Variants in PLEK2 observed in about 807,000 individuals in gnomAD.
PLEK2 encodes pleckstrin-2.
PLEK2 carries 29 observed loss-of-function variants against 43.8 expected under a neutral mutation model. The observed-to-expected ratio is 0.66, with a 90% confidence interval of 0.49 to 0.90. The LOEUF (loss-of-function observed/expected upper bound fraction) is 0.90, where lower values mean the gene tolerates loss of function less well. Ranked by LOEUF, PLEK2 falls within the 40% of genes least tolerant of loss-of-function variation. PLEK2 has a pLI of 0.00. For missense variants in PLEK2, 398 were observed against 448.1 expected, an observed-to-expected ratio of 0.89 and a Z score of 1.01; for synonymous variants, 162 against 173.2, an observed-to-expected ratio of 0.94 and a Z score of 0.51.
chr14:67,410,245 C>G (rs1472995745), intron 1 of PLEK2, among the ~76,000 whole-genome samples: 1 of 151,966 alleles, frequency 6.6e-6, no homozygotes, highest in Non-Finnish European at 1.5e-5. Context: ...GGAAGGTAAC[C>G]CCCAGGAACA....
chr14:67,388,358 T>C, intron 7 of PLEK2, 56 bp from the exon 8 acceptor site: 6 of 1,026,820 alleles, frequency 5.8e-6, no homozygotes, highest in Non-Finnish European at 9.3e-6. Flanking sequence ...AGGGAAGAGT[T>C]GCACTCCCCT....
intron 7 of PLEK2, among the ~76,000 whole-genome samples, chr14:67,388,896 C>T (rs1047037008): frequency 6.6e-6 from 1 of 152,082 alleles, no homozygotes; most frequent in Non-Finnish European, 1.5e-5. Context: ...CCAGGCTGGT[C>T]TCAAACTCCT....
At chr14:67,387,911 T>G (rs1045852387) in intron 8 of PLEK2, among the ~76,000 whole-genome samples, 3 of 152,244 alleles carry the variant, frequency 2.0e-5, no homozygotes, top group Admixed American at 2.0e-4. Flanking sequence ...TTATGATACA[T>G]ATTAAGGTAT....
chr14:67,412,132 C>G lies in PLEK2; in HGVS notation c.-73G>C. On this transcript the variant is annotated 5_prime_UTR_variant, in exon 1 of 9. Coordinates refer to ENST00000216446, the MANE Select transcript of PLEK2 (RefSeq NM_016445.3). ...CTCGCGCTCCTCGGCACCCGCGCAG[C>G]CCGCGCAGTCCGCGCCCACGGCGCC... 7.6e-7 allele frequency: 1 copy of G among 1,312,872 alleles called. No individual in the cohort carries two copies. The highest frequency in any genetic ancestry group is 9.9e-7 in the Non-Finnish European group (1 of 1,009,446). 81.3% of individuals were successfully genotyped at this position (1,312,872 alleles called of 1,614,324 possible). A position where few individuals can be genotyped will look rare whatever the true frequency, so the allele number is the denominator to read the frequency against.
intron 1 of PLEK2, 96 bp downstream of exon 1, chr14:67,411,922 C>G (rs2086117696): frequency 8.6e-7 from 1 of 1,157,410 alleles, no homozygotes; most frequent in African/African-American, 1.6e-5. Context: ...GGAACCAGAG[C>G]ATGCCCGTTC....
chr14:67,391,480 T>C (rs1039462358), intron 6 of PLEK2, among the ~76,000 whole-genome samples: 9 of 152,088 alleles, frequency 5.9e-5, no homozygotes, highest in African/African-American at 2.2e-4. Flanking sequence ...GGCCTTGGTG[T>C]AGACAGGCAG....
chr14:67,387,365 T>C lies in PLEK2; in HGVS notation c.1026A>G (p.Arg342=). 2 of 1,611,174 alleles carry C rather than the reference T, an allele frequency of 1.2e-6. No homozygotes were observed. Among genetic ancestry groups the C allele is most frequent in the Non-Finnish European group, 1.7e-6 (2 of 1,178,998 alleles). ...YYIQASSKAE[R]AEWIEAIKKL... The stretch of plus-strand genomic sequence containing the variant: ...TTTTGATAGCTTCAATCCACTCGGC[T>C]CGCTCAGCCTTGCTGCTGGCCTGAA... The change falls in exon 9 of 9, where the codon CGA becomes CGG. Residue 342 remains arginine (R), a synonymous_variant. Coordinates refer to ENST00000216446, the MANE Select transcript of PLEK2 (RefSeq NM_016445.3).
chr14:67,389,353 G>A (rs2085950961), intron 7 of PLEK2, among the ~76,000 whole-genome samples: 2 of 152,152 alleles, frequency 1.3e-5, no homozygotes, highest in Non-Finnish European at 2.9e-5. Context: ...TCCTGGATAG[G>A]AGAGTAGGTC....
At chr14:67,391,711 G>A (rs2085969529) in intron 6 of PLEK2, among the ~76,000 whole-genome samples, 1 of 152,200 alleles carries the variant, frequency 6.6e-6, no homozygotes, top group Admixed American at 6.5e-5. Context: ...AGGTGATTTT[G>A]TTCACAGAAT....
At chr14:67,399,042 A>G (rs2086029675) in intron 1 of PLEK2, among the ~76,000 whole-genome samples, 1 of 152,234 alleles carries the variant, frequency 6.6e-6, no homozygotes. Context: ...TTTGACCTGC[A>G]TCTGCTTTTT....
At chr14:67,392,902 G>C in intron 4 of PLEK2, 53 bp from the exon 5 acceptor site, 1 of 1,457,974 alleles carries the variant, frequency 6.9e-7, no homozygotes, top group Non-Finnish European at 9.4e-7. Flanking sequence ...GCGTCCTTGG[G>C]GTGTGTGGCC....
At chr14:67,397,860 G>A (rs1383811210) in intron 1 of PLEK2, 34 bp from the exon 2 acceptor site, 23 of 1,572,472 alleles carry the variant, frequency 1.5e-5, no homozygotes, top group South Asian at 2.4e-5. Flanking sequence ...GAGGTGAGGC[G>A]GTCAGTGGGA....
At position 67,387,219 on chromosome 14, in the gene PLEK2, G is replaced by A; in HGVS notation, c.*110C>T. On this transcript the variant is annotated 3_prime_UTR_variant, in exon 9 of 9. Coordinates refer to ENST00000216446, the MANE Select transcript of PLEK2 (RefSeq NM_016445.3). ...CTCTTGGCAGCATTCACTCTCCAAAGCAGTACAAAACTTACAAAGAAGTCA... is the reference window on the plus strand; with the variant it reads ...CTCTTGGCAGCATTCACTCTCCAAAACAGTACAAAACTTACAAAGAAGTCA... 2.0e-6 allele frequency: 2 copies of A among 1,024,994 alleles called. No homozygotes were observed. The highest frequency in any genetic ancestry group is 2.8e-6 in the Non-Finnish European group (2 of 709,240). The allele number at this position is 1,024,994 out of a possible 1,614,324, so 63.5% of individuals were successfully genotyped here. A position where few individuals can be genotyped will look rare whatever the true frequency, so the allele number is the denominator to read the frequency against.
intron 1 of PLEK2, among the ~76,000 whole-genome samples, chr14:67,399,238 G>A (rs1351357790): frequency 1.3e-5 from 2 of 152,020 alleles, no homozygotes; most frequent in East Asian, 3.9e-4. Flanking sequence ...TAGTTTAGGT[G>A]GCTGTCAGGT....
intron 1 of PLEK2, among the ~76,000 whole-genome samples, chr14:67,407,586 G>C (rs950883985): frequency 6.6e-6 from 1 of 151,702 alleles, no homozygotes. Flanking sequence ...GACTACAAGC[G>C]AGTACCACCA....
At chr14:67,398,265 GA>G (rs2086025233) in intron 1 of PLEK2, among the ~76,000 whole-genome samples, 1 of 151,954 alleles carries the variant, frequency 6.6e-6, no homozygotes, top group African/African-American at 2.4e-5. Context: ...TCTCAAAAGA[GA>G]CAGGCTGGAG....
chr14:67,392,137 G>A (rs1417378901), intron 6 of PLEK2, among the ~76,000 whole-genome samples, 189 bp downstream of exon 6: 1 of 152,224 alleles, frequency 6.6e-6, no homozygotes, highest in Admixed American at 6.5e-5. Context: ...ACACATGTGT[G>A]TGTGAGTGTG....
intron 1 of PLEK2, among the ~76,000 whole-genome samples, chr14:67,405,315 T>C (rs1024910420): frequency 1.3e-5 from 2 of 152,132 alleles, no homozygotes; most frequent in African/African-American, 4.8e-5. Context: ...TATGAATGTA[T>C]TATTTTTATC....
intron 2 of PLEK2, among the ~76,000 whole-genome samples, chr14:67,396,390 T>C (rs112161484): frequency 2.7e-5 from 4 of 150,416 alleles, no homozygotes; most frequent in Non-Finnish European, 5.9e-5. Context: ...TCAGGTGATC[T>C]GCCAGCCTTG....
Sources: allele counts gnomAD v4.1 joint callset (sites outside exome capture counted in the v4.1 genomes callset), GRCh38; gene constraint gnomAD v4.1.1; transcripts MANE v1.5; gene names NCBI Gene and HGNC (gene_info 2026-07-23, HGNC 2026-07-21).